The following SMC1B variants were observed in gnomAD, a reference collection of about 807,000 sequenced individuals.
SMC1B encodes the protein structural maintenance of chromosomes protein 1B.
In SMC1B, 60 loss-of-function variants were observed where a neutral mutation model predicts 157.9. The ratio of observed to expected loss-of-function variants is 0.38; its 90% confidence interval spans 0.31 to 0.47. The LOEUF (loss-of-function observed/expected upper bound fraction) is 0.47, where lower values mean the gene tolerates loss of function less well. Ranked by LOEUF, SMC1B falls within the 20% of genes least tolerant of loss-of-function variation. The probability of loss-of-function intolerance (pLI) is 0.99; values close to 1 mark genes in which losing one functional copy is unlikely to be tolerated. For synonymous variants in SMC1B, 445 were observed against 483.0 expected (o/e 0.92, Z 1.03); for missense variants, 1,165 against 1,426.2 (o/e 0.82, Z 2.95).
intron 14 of SMC1B, among the ~76,000 whole-genome samples, chr22:45,370,724 A>G (rs1245714151): frequency 6.6e-6 from 1 of 152,242 alleles, no homozygotes; most frequent in Non-Finnish European, 1.5e-5. Flanking sequence ...ATACAGACCC[A>G]CAATATGCTG....
intron 11 of SMC1B, among the ~76,000 whole-genome samples, chr22:45,383,885 T>G (rs1336462766): frequency 1.3e-5 from 2 of 152,212 alleles, no homozygotes; most frequent in African/African-American, 4.8e-5. Flanking sequence ...TTTTTCCTAT[T>G]ATACACAATG....
chr22:45,360,399 C>G (rs372564755), intron 17 of SMC1B, among the ~76,000 whole-genome samples: 1 of 150,826 alleles, frequency 6.6e-6, no homozygotes, highest in Non-Finnish European at 1.5e-5. Flanking sequence ...TTTTACTAAT[C>G]GAAATGATGT....
At chr22:45,362,803 TC>T in intron 16 of SMC1B, 81 bp downstream of exon 16, 2 of 1,183,722 alleles carry the variant, frequency 1.7e-6, no homozygotes, top group South Asian at 1.3e-5. Flanking sequence ...ACAGGACCCT[TC>T]AGGAGCGCAC....
At chr22:45,382,351 A>T (rs981752179) in intron 12 of SMC1B, among the ~76,000 whole-genome samples, 2 of 152,242 alleles carry the variant, frequency 1.3e-5, no homozygotes, top group African/African-American at 4.8e-5. Flanking sequence ...AGCTAAGTGA[A>T]GAAAACATAA....
At chr22:45,383,336 A>G (rs1223424950) in intron 12 of SMC1B, 131 bp downstream of exon 12, 1 of 582,160 alleles carries the variant, frequency 1.7e-6, no homozygotes, top group African/African-American at 2.0e-5. Context: ...TTTATTTTTT[A>G]TTTTTATTTC....
rs192935522 is a variant in SMC1B at position 45,397,953 on chromosome 22, G to C, written c.1113+1142C>G. ...GACAAGAACTGAGGACCCACTGAAC[G>C]TGGGTACACAGAAGGCTGAAACACT... On this transcript the variant is annotated intron_variant, in intron 6 of 24. Coordinates refer to ENST00000357450, the MANE Select transcript of SMC1B (RefSeq NM_148674.5). Among the ~76,000 whole-genome samples the C allele has an allele frequency of 5.3e-5, 8 of 152,288 alleles. No homozygotes were observed. In the East Asian group the frequency reaches 7.7e-4, roughly 15 times the overall value.
chr22:45,411,452 G>A (rs140113146), intron 1 of SMC1B, among the ~76,000 whole-genome samples: 152 of 152,338 alleles, frequency 1.0e-3, no homozygotes, highest in East Asian at 4.0e-3. Context: ...AAATAACAGG[G>A]AGTGATTGCT....
At chr22:45,345,679 T>C in intron 23 of SMC1B, 110 bp from the exon 24 acceptor site, 1 of 639,220 alleles carries the variant, frequency 1.6e-6, no homozygotes. Flanking sequence ...TGACAAGGAC[T>C]TATCCACCTT....
intron 14 of SMC1B, among the ~76,000 whole-genome samples, chr22:45,370,298 C>T (rs1486976343): frequency 6.6e-6 from 1 of 152,050 alleles, no homozygotes; most frequent in Non-Finnish European, 1.5e-5. Context: ...TTATTAAGTG[C>T]TTTGGCTTTA....
At position 45,394,716 on chromosome 22, in the gene SMC1B, C is replaced by G. The variant is rs200945078; in HGVS notation, c.1306G>C (p.Glu436Gln). The change falls in exon 8 of 25, where the codon GAG becomes CAG. Residue 436 changes from glutamate (E) to glutamine (Q), a missense_variant. Physicochemically the swap from Glu to Gln is conservative, Grantham distance 29. Transcript: ENST00000357450. ...EQIEDHKKRI[E>Q]KLEEYTKTCM... ...GTCTTTGTATACTCCTCTAACTTCTCTATTCGTTTTTTATGATCTTCTATT... is the reference window on the plus strand; with the variant it reads ...GTCTTTGTATACTCCTCTAACTTCTGTATTCGTTTTTTATGATCTTCTATT... 1.8e-5 allele frequency: 28 copies of G among 1,564,078 alleles called. No individual in the cohort carries two copies. Among genetic ancestry groups the G allele is most frequent in the Middle Eastern group, 3.5e-4 (2 of 5,664 alleles).
At chr22:45,394,559 CCCGGAAGTTGAGGCTA>C (rs1305821244) in intron 8 of SMC1B, 110 bp downstream of exon 8, 2 of 1,151,444 alleles carry the variant, frequency 1.7e-6, no homozygotes, top group Admixed American at 4.3e-5. Flanking sequence ...TCATGTGAGC[CCCGGAAGTTGAGGCTA>C]CCGTAAGCCA....
intron 11 of SMC1B, 107 bp downstream of exon 11, chr22:45,386,760 A>G: frequency 1.0e-6 from 1 of 991,552 alleles, no homozygotes; most frequent in South Asian, 2.3e-5. Context: ...TTTAGAAAAA[A>G]GAACACATAA....
At chr22:45,380,893 T>G (rs2086929723) in intron 12 of SMC1B, among the ~76,000 whole-genome samples, 1 of 152,052 alleles carries the variant, frequency 6.6e-6, no homozygotes, top group Non-Finnish European at 1.5e-5. Flanking sequence ...ACCACTGCCC[T>G]CTAGCCTGGG....
chr22:45,359,936 C>G lies in SMC1B; in HGVS notation c.2731G>C (p.Glu911Gln). ...VDREVGKLQKEVVSIQTSLEQ... is the reference protein window; with the variant it reads ...VDREVGKLQKQVVSIQTSLEQ... ...AGAGAAGTTTGAATACTTACAACTT[C>G]TTTTTGCAATTTCCCCACTTCCCTG... is the stretch of plus-strand genomic sequence containing the variant. Residue 911 changes from glutamate to glutamine, a missense_variant, in exon 18 of 25, where the codon GAA (glutamate) becomes CAA (glutamine). Transcript: ENST00000357450. 1.2e-6 allele frequency: 2 copies of G among 1,613,642 alleles called. No individual in the cohort carries two copies. The highest frequency in any genetic ancestry group is 1.7e-5 in the Admixed American group (1 of 59,970).
intron 2 of SMC1B, 63 bp from the exon 3 acceptor site, chr22:45,406,928 C>T: frequency 3.5e-6 from 4 of 1,145,574 alleles, no homozygotes; most frequent in Non-Finnish European, 4.9e-6. Context: ...TCAAAATCCA[C>T]CGAAAGTTTA....
Position 45,402,470 on chromosome 22 carries a change from G to A in SMC1B, c.717C>T (p.Asn239=). 6.2e-7 allele frequency: 1 copy of A among 1,613,850 alleles called. No homozygotes were observed. Among genetic ancestry groups the A allele is most frequent in the Non-Finnish European group, 8.5e-7 (1 of 1,179,866 alleles). The change falls in exon 5 of 25, where the codon AAC becomes AAT. Residue 239 remains asparagine (N), a synonymous_variant. Coordinates refer to ENST00000357450, the MANE Select transcript of SMC1B (RefSeq NM_148674.5). ...YHNEKKIHLL[N]TKLEHVNRDL... ...CCCTATTCACATGCTCTAACTTGGT[G>A]TTCAGGAGATGAATCTTTTTCTCAT...
intron 7 of SMC1B, among the ~76,000 whole-genome samples, chr22:45,394,972 G>A (rs989782095): frequency 2.0e-5 from 3 of 152,108 alleles, no homozygotes; most frequent in Non-Finnish European, 2.9e-5. Context: ...GATCTCTAGC[G>A]ATTTCTCTCT....
intron 5 of SMC1B, 128 bp downstream of exon 5, chr22:45,402,205 T>G (rs2087203799): frequency 2.8e-6 from 2 of 714,778 alleles, no homozygotes; most frequent in African/African-American, 3.6e-5. Context: ...ATAATTTTTC[T>G]GTATATCTAA....
chr22:45,406,847 C>A lies in SMC1B; in HGVS notation c.317G>T (p.Arg106Leu), dbSNP rs61755307. Residue 106 changes from arginine to leucine, a missense_variant, in exon 3 of 25, where the codon CGC becomes CTC. By Grantham distance (102) the Arg-to-Leu change is moderately radical. Coordinates refer to ENST00000357450, the MANE Select transcript of SMC1B (RefSeq NM_148674.5). ...ACGACTCACAAGATTATCATTAAAG[C>A]GAAATTCTGAGCATCCCCCTAAAAT... is the stretch of plus-strand genomic sequence containing the variant. The part of the protein sequence containing the change: ...RIIRGGCSEF[R>L]FNDNLVSRSV... The A allele has an allele frequency of 6.4e-7, 1 of 1,567,478 alleles. No individual in the cohort carries two copies. The highest frequency in any genetic ancestry group is 8.6e-7 in the Non-Finnish European group (1 of 1,164,786).
Sources: allele counts gnomAD v4.1 joint callset (sites outside exome capture counted in the v4.1 genomes callset), GRCh38; gene constraint gnomAD v4.1.1; transcripts MANE v1.5; gene names NCBI Gene and HGNC (gene_info 2026-07-23, HGNC 2026-07-21).